MAML3: variants seen among roughly 807,000 people sequenced by gnomAD.
MAML3 encodes mastermind like transcriptional coactivator 3.
In MAML3, 27 loss-of-function variants were observed where a neutral mutation model predicts 101.9. The ratio of observed to expected loss-of-function variants is 0.27; its 90% confidence interval spans 0.20 to 0.37. The LOEUF (loss-of-function observed/expected upper bound fraction) is 0.37, where lower values mean the gene tolerates loss of function less well. Ranked by LOEUF, MAML3 falls within the 10% of genes least tolerant of loss-of-function variation. The probability of loss-of-function intolerance (pLI) is 1.00; values close to 1 mark genes in which losing one functional copy is unlikely to be tolerated. For missense variants in MAML3, 1,316 were observed against 1,444.9 expected (o/e 0.91, Z 1.45); for synonymous variants, 501 against 555.9 (o/e 0.90, Z 1.39).
chr4:139,811,996 C>T (rs1730805781), intron 2 of MAML3, among the ~76,000 whole-genome samples: 1 of 152,156 alleles, frequency 6.6e-6, no homozygotes, highest in African/African-American at 2.4e-5. Context: ...GGCATGGTGG[C>T]TCACACCTAT....
chr4:139,948,101 A>AAAATAAATAAATAAAT (rs59043940), intron 1 of MAML3, among the ~76,000 whole-genome samples: 1,719 of 143,146 alleles, frequency 0.012, 29 homozygotes, highest in African/African-American at 0.034. Flanking sequence ...ACTCCATCTC[A>AAAATAAATAAATAAAT]AAATAAATAA....
At position 139,737,202 on chromosome 4, in the gene MAML3, C is replaced by T. The variant is rs190736165; in HGVS notation, c.2080-6535G>A. 1.8e-3 allele frequency among the ~76,000 whole-genome samples: 274 copies of T among 152,284 alleles called. 1 individual carries two copies. Among genetic ancestry groups the T allele is most frequent in the Middle Eastern group, 3.4e-3 (1 of 294 alleles). On this transcript the variant is annotated intron_variant, in intron 2 of 4. Coordinates refer to ENST00000509479, the MANE Select transcript of MAML3 (RefSeq NM_018717.5). ...AAAGCTATGATTTGAGGAAAGTTCC[C>T]TCTGATTGAAAGAGTTCTTCAAATA...
intron 1 of MAML3, among the ~76,000 whole-genome samples, chr4:140,065,856 A>G (rs1385054565): frequency 1.3e-5 from 2 of 152,214 alleles, no homozygotes; most frequent in Non-Finnish European, 2.9e-5. Context: ...ATCAAACAGG[A>G]AGGTCCATAA....
chr4:139,760,011 C>G lies in MAML3; in HGVS notation c.2080-29344G>C, dbSNP rs139072986. Among the ~76,000 whole-genome samples the G allele has an allele frequency of 2.0e-4, 31 of 152,348 alleles. 1 individual carries two copies. In the East Asian group the frequency reaches 5.8e-3, roughly 28 times the overall value. Reference sequence around the variant, plus strand: ...ATGCCACATATGTGATACTTCTCAACAACACGGTATTTGGCAAACTCTCTC... The same window carrying G: ...ATGCCACATATGTGATACTTCTCAAGAACACGGTATTTGGCAAACTCTCTC... On this transcript the variant is annotated intron_variant, in intron 2 of 4. Coordinates refer to ENST00000509479, the MANE Select transcript of MAML3 (RefSeq NM_018717.5).
At chr4:139,887,348 T>C (rs1020732573) in intron 2 of MAML3, among the ~76,000 whole-genome samples, 18 of 152,232 alleles carry the variant, frequency 1.2e-4, no homozygotes, top group African/African-American at 3.6e-4. Context: ...ATTATTCTAA[T>C]GAGGACTCAC....
chr4:139,750,832 C>A (rs750445182), intron 2 of MAML3, among the ~76,000 whole-genome samples: 1 of 152,192 alleles, frequency 6.6e-6, no homozygotes, highest in Non-Finnish European at 1.5e-5. Flanking sequence ...CCACTCCCTA[C>A]CCCCTTTTAA....
At chr4:140,118,271 T>C (rs1279206525) in intron 1 of MAML3, among the ~76,000 whole-genome samples, 1 of 152,070 alleles carries the variant, frequency 6.6e-6, no homozygotes, top group African/African-American at 2.4e-5. Context: ...TACCGTGTAC[T>C]AGCTGTATGA....
chr4:140,072,034 A>AC (rs1408176086), intron 1 of MAML3, among the ~76,000 whole-genome samples: 4 of 152,134 alleles, frequency 2.6e-5, no homozygotes, highest in Non-Finnish European at 4.4e-5. Context: ...AACCACAAGT[A>AC]CCTCAACATT....
intron 1 of MAML3, among the ~76,000 whole-genome samples, chr4:140,145,283 T>A (rs926053102): frequency 3.3e-5 from 5 of 152,150 alleles, no homozygotes; most frequent in Non-Finnish European, 7.3e-5. Context: ...ACAACCAGAT[T>A]CTACTCAACA....
chr4:139,846,083 C>T (rs1731441095), intron 2 of MAML3, among the ~76,000 whole-genome samples: 1 of 152,144 alleles, frequency 6.6e-6, no homozygotes, highest in African/African-American at 2.4e-5. Context: ...AGCTGAAATG[C>T]TTTCTCCTCG....
At chr4:140,083,902 G>T (rs990068599) in intron 1 of MAML3, among the ~76,000 whole-genome samples, 3 of 146,398 alleles carry the variant, frequency 2.0e-5, no homozygotes, top group African/African-American at 7.6e-5. Flanking sequence ...AACGGCAAAA[G>T]AAACACCCTA....
intron 2 of MAML3, among the ~76,000 whole-genome samples, chr4:139,769,425 C>T (rs1043679010): frequency 1.3e-5 from 2 of 152,186 alleles, no homozygotes; most frequent in Non-Finnish European, 2.9e-5. Context: ...AAGAGAAGAC[C>T]ATCTGCACAG....
chr4:139,815,560 C>T (rs1730878510), intron 2 of MAML3, among the ~76,000 whole-genome samples: 1 of 152,084 alleles, frequency 6.6e-6, no homozygotes, highest in African/African-American at 2.4e-5. Context: ...GCTCCAAAAG[C>T]CCAGGTTCTT....
intron 1 of MAML3, among the ~76,000 whole-genome samples, chr4:140,142,594 A>C (rs1201732822): frequency 6.6e-6 from 1 of 152,208 alleles, no homozygotes; most frequent in Non-Finnish European, 1.5e-5. Flanking sequence ...ATATCTATTA[A>C]ACCACAACCT....
intron 1 of MAML3, among the ~76,000 whole-genome samples, chr4:139,970,174 G>A (rs1299262456): frequency 6.6e-6 from 1 of 152,216 alleles, no homozygotes; most frequent in Non-Finnish European, 1.5e-5. Flanking sequence ...AATGAGTGTT[G>A]TGGAAATGCA....
intron 1 of MAML3, among the ~76,000 whole-genome samples, chr4:140,013,338 T>A (rs768691425): frequency 6.6e-6 from 1 of 152,190 alleles, no homozygotes; most frequent in African/African-American, 2.4e-5. Context: ...CTGGAATATC[T>A]TCCTTACTTT....
At chr4:140,110,098 A>G (rs779115113) in intron 1 of MAML3, among the ~76,000 whole-genome samples, 4 of 152,240 alleles carry the variant, frequency 2.6e-5, no homozygotes, top group Admixed American at 6.5e-5. Context: ...GTCCCTTTGC[A>G]GCCAACGAAT....
chr4:139,897,543 G>A (rs558901921), intron 1 of MAML3, among the ~76,000 whole-genome samples: 84 of 152,146 alleles, frequency 5.5e-4, no homozygotes, highest in African/African-American at 1.9e-3. Context: ...TAAACCTCAA[G>A]AACTATCCAT....
chr4:139,774,717 T>C (rs549199152), intron 2 of MAML3, among the ~76,000 whole-genome samples: 35 of 152,298 alleles, frequency 2.3e-4, no homozygotes, highest in African/African-American at 8.2e-4. Context: ...AGATTTATGA[T>C]AGTAATTTTT....
Sources: allele counts gnomAD v4.1 joint callset (sites outside exome capture counted in the v4.1 genomes callset), GRCh38; gene constraint gnomAD v4.1.1; transcripts MANE v1.5; gene names NCBI Gene and HGNC (gene_info 2026-07-23, HGNC 2026-07-21).